RBFOX1: variants seen among roughly 807,000 people sequenced by gnomAD.
The protein encoded by RBFOX1 is RNA binding fox-1 homolog 1.
Under a neutral mutation model 57.7 loss-of-function variants are expected in RBFOX1, and 8 were observed. The observed-to-expected ratio is 0.14, with a 90% CI of 0.08 to 0.25. The LOEUF (loss-of-function observed/expected upper bound fraction) is 0.25, where lower values mean the gene tolerates loss of function less well. Ranked by LOEUF, RBFOX1 falls within the 10% of genes least tolerant of loss-of-function variation. RBFOX1 has a pLI of 1.00. For synonymous variants in RBFOX1, 326 were observed against 222.4 expected (o/e 1.47, Z -4.15); for missense variants, 611 against 548.5 (o/e 1.11, Z -1.14).
intron 1 of RBFOX1, among the ~76,000 whole-genome samples, chr16:6,145,231 A>G (rs1436193948): frequency 6.6e-6 from 1 of 151,824 alleles, no homozygotes; most frequent in Non-Finnish European, 1.5e-5. Context: ...GTTCCCCTCT[A>G]TGTGTCCATG....
chr16:6,122,501 G>T lies in RBFOX1; in HGVS notation c.-127+102509G>T, dbSNP rs569501103. 1.6e-4 allele frequency among the ~76,000 whole-genome samples: 25 copies of T among 152,162 alleles called. No individual in the cohort carries two copies. In the South Asian group the frequency reaches 4.1e-3, roughly 25 times the overall value. ...CTATTTTCACCACTTTCTCATTCGA[G>T]TTAATCTCTGAAGACATAATACCCT... On this transcript the variant is annotated intron_variant, in intron 1 of 15. Transcript: ENST00000550418.
chr16:7,647,780 A>G (rs920867727), intron 11 of RBFOX1, among the ~76,000 whole-genome samples: 1 of 152,158 alleles, frequency 6.6e-6, no homozygotes, highest in African/African-American at 2.4e-5. Context: ...ATAGTCATTC[A>G]TTGCCCACTT....
chr16:7,100,374 G>T (rs1012917246), intron 4 of RBFOX1, among the ~76,000 whole-genome samples: 5 of 151,978 alleles, frequency 3.3e-5, no homozygotes, highest in African/African-American at 1.2e-4. Context: ...ACTCCCCCCA[G>T]CCTATCACTC....
At chr16:6,823,274 C>G (rs922713464) in intron 3 of RBFOX1, among the ~76,000 whole-genome samples, 3 of 150,836 alleles carry the variant, frequency 2.0e-5, no homozygotes, top group Admixed American at 6.6e-5. Context: ...TTTTTTTTCC[C>G]CAGAAAGAGT....
Position 6,823,780 on chromosome 16 carries a change from A to T in RBFOX1, c.-16+169130A>T, listed in dbSNP as rs565573917. Among the ~76,000 whole-genome samples the T allele has an allele frequency of 2.8e-3, 427 of 152,274 alleles. 2 individuals carry two copies. The highest frequency in any genetic ancestry group is 5.4e-3 in the South Asian group (26 of 4,824). ...TCAGCCACTGTTCTAGTTGTTGCAG[A>T]TAGGAAAACTAATAATAGGAGATTC... On this transcript the variant is annotated intron_variant, in intron 3 of 15. Coordinates refer to ENST00000550418, the MANE Select transcript of RBFOX1 (RefSeq NM_018723.4).
intron 3 of RBFOX1, among the ~76,000 whole-genome samples, chr16:7,035,639 C>T (rs950386809): frequency 2.0e-5 from 3 of 152,222 alleles, no homozygotes; most frequent in South Asian, 2.1e-4. Context: ...TCTCTGAGCT[C>T]GGTCATTACT....
At chr16:6,314,889 A>T (rs1364376498) in intron 1 of RBFOX1, among the ~76,000 whole-genome samples, 2 of 152,168 alleles carry the variant, frequency 1.3e-5, no homozygotes, top group African/African-American at 4.8e-5. Context: ...TATTCTAACT[A>T]TTCTTCCCAA....
At chr16:6,386,345 C>G (rs1314751546) in intron 2 of RBFOX1, among the ~76,000 whole-genome samples, 1 of 150,592 alleles carries the variant, frequency 6.6e-6, no homozygotes, top group Non-Finnish European at 1.5e-5. Flanking sequence ...TGTTTACATT[C>G]TTGTGTGAGC....
At chr16:7,489,625 CCAA>C (rs965730678) in intron 4 of RBFOX1, among the ~76,000 whole-genome samples, 49 of 152,180 alleles carry the variant, frequency 3.2e-4, no homozygotes, top group African/African-American at 1.1e-3. Context: ...AAGAAATCCT[CCAA>C]CGTCAGTCTC....
intron 1 of RBFOX1, among the ~76,000 whole-genome samples, chr16:6,113,845 A>G (rs796275988): frequency 7.9e-5 from 12 of 152,242 alleles, no homozygotes; most frequent in African/African-American, 2.9e-4. Context: ...CTGTTATTCC[A>G]CTGCCAGGCC....
chr16:7,287,148 T>C (rs559032427), intron 4 of RBFOX1, among the ~76,000 whole-genome samples: 3 of 152,264 alleles, frequency 2.0e-5, no homozygotes, highest in East Asian at 3.9e-4. Context: ...CAGTACTTAA[T>C]AGAGAGAGAA....
At chr16:6,508,828 G>T (rs2096181270) in intron 2 of RBFOX1, among the ~76,000 whole-genome samples, 1 of 151,142 alleles carries the variant, frequency 6.6e-6, no homozygotes, top group Admixed American at 6.6e-5. Flanking sequence ...AGTAATCACG[G>T]TAAAACTGCG....
chr16:7,459,610 G>A (rs991344877), intron 4 of RBFOX1, among the ~76,000 whole-genome samples: 9 of 152,236 alleles, frequency 5.9e-5, no homozygotes, highest in Non-Finnish European at 5.9e-5. Context: ...TATATTGCGG[G>A]GGGACAGTTC....
At chr16:6,149,241 G>T (rs1435347148) in intron 1 of RBFOX1, among the ~76,000 whole-genome samples, 3 of 152,266 alleles carry the variant, frequency 2.0e-5, no homozygotes, top group East Asian at 3.9e-4. Flanking sequence ...GCGCGGATGT[G>T]TGTGGCTGCT....
chr16:7,662,012 TAAC>T (rs3029189), intron 12 of RBFOX1, among the ~76,000 whole-genome samples: 16,742 of 152,072 alleles, frequency 0.11, 1,402 homozygotes, highest in East Asian at 0.36. Flanking sequence ...CCATGGTGCA[TAAC>T]AACTTGTCTT....
At chr16:6,631,578 GTC>G (rs1202445104) in intron 2 of RBFOX1, among the ~76,000 whole-genome samples, 2 of 152,084 alleles carry the variant, frequency 1.3e-5, no homozygotes, top group African/African-American at 4.8e-5. Flanking sequence ...ACAAAGGAAA[GTC>G]TCTGCTTTCA....
intron 3 of RBFOX1, among the ~76,000 whole-genome samples, chr16:7,010,122 T>G (rs2093580651): frequency 6.6e-6 from 1 of 152,242 alleles, no homozygotes; most frequent in Non-Finnish European, 1.5e-5. Flanking sequence ...CTCTATTCTT[T>G]GCTGCAAAGC....
At chr16:7,081,250 G>C (rs1051058883) in intron 4 of RBFOX1, among the ~76,000 whole-genome samples, 4 of 152,196 alleles carry the variant, frequency 2.6e-5, no homozygotes, top group African/African-American at 9.7e-5. Flanking sequence ...GGCTGGGCTG[G>C]TCTTGAACTG....
chr16:6,315,275 G>A (rs1205632608), intron 1 of RBFOX1, among the ~76,000 whole-genome samples: 10 of 152,004 alleles, frequency 6.6e-5, no homozygotes, highest in African/African-American at 1.9e-4. Context: ...GGATGGATGG[G>A]TAGGTGGGTG....
Sources: gnomAD v4.1 joint callset for allele counts (sites outside exome capture counted in the v4.1 genomes callset) on GRCh38, gnomAD v4.1.1 for gene constraint, MANE v1.5 for transcripts, NCBI Gene and HGNC (gene_info 2026-07-23, HGNC 2026-07-21) for gene names.